RPH3A: variants seen among roughly 807,000 people sequenced by gnomAD.
RPH3A encodes rabphilin 3A, also known as rabphilin-3A.
RPH3A carries 48 observed loss-of-function variants against 102.2 expected under a neutral mutation model. That is an observed-to-expected ratio of 0.47 (90% confidence interval 0.37 to 0.60). RPH3A has a LOEUF of 0.60. RPH3A is among the 20% of genes least tolerant of loss of function. The pLI, the probability that RPH3A is intolerant of heterozygous loss-of-function variation, is 0.00. For missense variants in RPH3A, 781 were observed against 910.1 expected (o/e 0.86, Z 1.83); for synonymous variants, 310 against 324.3 (o/e 0.96, Z 0.47).
intron 1 of RPH3A, among the ~76,000 whole-genome samples, chr12:112,708,292 G>A (rs1470145341): frequency 6.6e-6 from 1 of 152,158 alleles, no homozygotes; most frequent in African/African-American, 2.4e-5. Flanking sequence ...CTGTGGAGAT[G>A]GTGTTAACAG....
chr12:112,703,033 C>T (rs2040405351), intron 1 of RPH3A, among the ~76,000 whole-genome samples: 1 of 152,118 alleles, frequency 6.6e-6, no homozygotes, highest in Non-Finnish European at 1.5e-5. Flanking sequence ...CAAGGATGTG[C>T]CAGTTCTGAG....
chr12:112,607,879 GA>G (rs2039609216), intron 1 of RPH3A, among the ~76,000 whole-genome samples: 1 of 152,156 alleles, frequency 6.6e-6, no homozygotes, highest in Non-Finnish European at 1.5e-5. Flanking sequence ...TGGCGAACCA[GA>G]AGGCAGTTTG....
intron 1 of RPH3A, among the ~76,000 whole-genome samples, chr12:112,742,223 T>C (rs533317693): frequency 1.9e-4 from 29 of 152,294 alleles, no homozygotes; most frequent in African/African-American, 6.7e-4. Flanking sequence ...GTTGCCATGA[T>C]AGATGTCTCT....
At position 112,602,446 on chromosome 12, in the gene RPH3A, C is replaced by T. The variant is rs1265655628; in HGVS notation, c.-140+27127C>T. ...CAGTTCACCTCCCTGGCTTACCATCCAAACATTCCCAGACACTTGATGACT... is the reference window on the plus strand; with the variant it reads ...CAGTTCACCTCCCTGGCTTACCATCTAAACATTCCCAGACACTTGATGACT... On this transcript the variant is annotated intron_variant, in intron 1 of 21. Transcript: ENST00000543106. 2.0e-5 allele frequency among the ~76,000 whole-genome samples: 3 copies of T among 152,156 alleles called. No homozygotes were observed. In the East Asian group the frequency reaches 5.8e-4, roughly 29 times the overall value.
chr12:112,658,553 G>A (rs1475475660), intron 1 of RPH3A, among the ~76,000 whole-genome samples: 1 of 152,214 alleles, frequency 6.6e-6, no homozygotes, highest in Non-Finnish European at 1.5e-5. Context: ...GACAAAGGCA[G>A]GGAGACCCAT....
chr12:112,895,725 T>C, intron 20 of RPH3A, 52 bp from the exon 21 acceptor site: 4 of 1,314,442 alleles, frequency 3.0e-6, no homozygotes, highest in Non-Finnish European at 4.4e-6. Context: ...TACCTCCCAA[T>C]GCTGTGGGTT....
chr12:112,581,675 C>T (rs1644481810), intron 1 of RPH3A, among the ~76,000 whole-genome samples: 1 of 151,108 alleles, frequency 6.6e-6, no homozygotes, highest in Admixed American at 6.6e-5. Flanking sequence ...GCTGGGATTA[C>T]AGGTGTCAGC....
intron 1 of RPH3A, among the ~76,000 whole-genome samples, chr12:112,627,721 T>C (rs1343268301): frequency 6.6e-6 from 1 of 152,038 alleles, no homozygotes; most frequent in Admixed American, 6.6e-5. Flanking sequence ...AAAAGTAGAC[T>C]GTGGATGAGG....
chr12:112,682,351 C>CTT (rs1314037530), intron 1 of RPH3A, among the ~76,000 whole-genome samples: 7 of 77,680 alleles, frequency 9.0e-5, no homozygotes, highest in Non-Finnish European at 1.2e-4. Context: ...TTTTTTCTTT[C>CTT]TTTCTTTTTT....
At chr12:112,618,797 T>A (rs1164407229) in intron 1 of RPH3A, among the ~76,000 whole-genome samples, 1 of 152,228 alleles carries the variant, frequency 6.6e-6, no homozygotes, top group Non-Finnish European at 1.5e-5. Flanking sequence ...TCTCCACACG[T>A]AATTTTAGAA....
chr12:112,839,701 T>C (rs1450672706), intron 4 of RPH3A, among the ~76,000 whole-genome samples: 1 of 152,124 alleles, frequency 6.6e-6, no homozygotes, highest in Non-Finnish European at 1.5e-5. Context: ...GAAAATAGAC[T>C]CTAGAGCCAG....
chr12:112,876,504 C>A (rs1395744304), intron 12 of RPH3A, 138 bp from the exon 13 acceptor site: 9 of 626,996 alleles, frequency 1.4e-5, no homozygotes, highest in Non-Finnish European at 2.5e-5. Context: ...TATTGTCAAA[C>A]ACAGATCCCA....
chr12:112,710,291 A>G (rs1377514590), intron 1 of RPH3A, among the ~76,000 whole-genome samples: 1 of 151,962 alleles, frequency 6.6e-6, no homozygotes, highest in Admixed American at 6.6e-5. Flanking sequence ...GCCTTTCTTG[A>G]CCGTAGTTTC....
chr12:112,844,687 C>A (rs1244352660), intron 4 of RPH3A, among the ~76,000 whole-genome samples: 1 of 152,240 alleles, frequency 6.6e-6, no homozygotes, highest in African/African-American at 2.4e-5. Context: ...GGGGAGGGTG[C>A]TACCAGTCTG....
chr12:112,663,643 C>T lies in RPH3A; in HGVS notation c.-140+88324C>T, dbSNP rs149640732. Among the ~76,000 whole-genome samples the T allele has an allele frequency of 2.3e-3, 349 of 152,252 alleles. 3 individuals carry two copies. Among genetic ancestry groups the T allele is most frequent in the African/African-American group, 7.9e-3 (329 of 41,548 alleles). On this transcript the variant is annotated intron_variant, in intron 1 of 21. Coordinates refer to the RPH3A transcript ENST00000543106. Reference sequence around the variant, plus strand: ...AAGTGCTGGGATTACAGGCATGAGCCACTGTGCCTGGCCCCATAAATTCTT... The same window carrying T: ...AAGTGCTGGGATTACAGGCATGAGCTACTGTGCCTGGCCCCATAAATTCTT...
At chr12:112,811,534 CCCCCAAA>C (rs2041575965) in intron 2 of RPH3A, among the ~76,000 whole-genome samples, 2 of 149,426 alleles carry the variant, frequency 1.3e-5, no homozygotes, top group Admixed American at 1.3e-4. Flanking sequence ...TAGAACCCCC[CCCCCAAA>C]AAAAAGAGAC....
At chr12:112,864,258 C>T (rs1382338447) in intron 5 of RPH3A, among the ~76,000 whole-genome samples, 1 of 152,134 alleles carries the variant, frequency 6.6e-6, no homozygotes, top group East Asian at 1.9e-4. Flanking sequence ...CAAGATAATC[C>T]TGGCCAACAT....
At chr12:112,741,889 C>G (rs945162390) in intron 1 of RPH3A, among the ~76,000 whole-genome samples, 2 of 152,132 alleles carry the variant, frequency 1.3e-5, no homozygotes, top group African/African-American at 2.4e-5. Flanking sequence ...GATTGTGCCT[C>G]TATAATCTAT....
intron 1 of RPH3A, among the ~76,000 whole-genome samples, chr12:112,680,045 C>A (rs1279758280): frequency 3.3e-5 from 5 of 152,018 alleles, no homozygotes; most frequent in Non-Finnish European, 4.4e-5. Flanking sequence ...ATGTTCCAGG[C>A]AGGGGCACAG....
Sources: gnomAD v4.1 joint callset for allele counts (sites outside exome capture counted in the v4.1 genomes callset) on GRCh38, gnomAD v4.1.1 for gene constraint, MANE v1.5 for transcripts, NCBI Gene and HGNC (gene_info 2026-07-23, HGNC 2026-07-21) for gene names.